The following RPS6KC1 variants were observed in gnomAD, a reference collection of about 807,000 sequenced individuals.
RPS6KC1 encodes ribosomal protein S6 kinase C1.
RPS6KC1 carries 54 observed loss-of-function variants against 103.8 expected under a neutral mutation model. The ratio of observed to expected loss-of-function variants is 0.52; its 90% CI spans 0.42 to 0.65. The LOEUF (loss-of-function observed/expected upper bound fraction) is 0.65. RPS6KC1 is among the 30% of genes least tolerant of loss of function. The pLI is 0.00. For missense variants in RPS6KC1, 1,151 were observed against 1,253.8 expected (o/e 0.92, Z 1.24); for synonymous variants, 439 against 438.7 (o/e 1.00, Z -0.01).
the RPS6KC1 span, among the ~76,000 whole-genome samples, chr1:213,441,321 G>GT: frequency 2.0e-5 from 3 of 152,110 alleles, no homozygotes; most frequent in Non-Finnish European, 4.4e-5. Context: ...TAAATTTTGA[G>GT]TTTTTTATGT....
chr1:213,414,222 A>T, the RPS6KC1 span, among the ~76,000 whole-genome samples: 1 of 151,992 alleles, frequency 6.6e-6, no homozygotes, highest in Non-Finnish European at 1.5e-5. Flanking sequence ...TCTTGTTATG[A>T]TGGCACCAAG....
the RPS6KC1 span, among the ~76,000 whole-genome samples, chr1:213,493,616 T>C: frequency 6.6e-6 from 1 of 152,212 alleles, no homozygotes; most frequent in African/African-American, 2.4e-5. Flanking sequence ...CTTAACTGTA[T>C]ATAAGTGCCA....
At chr1:213,458,756 T>A in the RPS6KC1 span, among the ~76,000 whole-genome samples, 2 of 152,202 alleles carry the variant, frequency 1.3e-5, no homozygotes, top group South Asian at 4.1e-4. Context: ...TTGTCATAAA[T>A]AGCTCTTATT....
chr1:213,188,595 A>G (rs943407451), intron 8 of RPS6KC1, among the ~76,000 whole-genome samples: 1 of 152,178 alleles, frequency 6.6e-6, no homozygotes, highest in African/African-American at 2.4e-5. Context: ...TGTATGAACA[A>G]TGCACACATA....
chr1:213,577,614 C>T, the RPS6KC1 span, among the ~76,000 whole-genome samples: 269 of 152,254 alleles, frequency 1.8e-3, 2 homozygotes, highest in African/African-American at 6.4e-3. Flanking sequence ...AGATGAGGAA[C>T]TTATTGGGAA....
chr1:213,275,461 CA>C (rs1214094152), downstream of RPS6KC1, among the ~76,000 whole-genome samples: 1 of 152,104 alleles, frequency 6.6e-6, no homozygotes, highest in Non-Finnish European at 1.5e-5. Context: ...GTTTCTATGT[CA>C]AAGATGGATA....
chr1:213,430,209 C>T, the RPS6KC1 span, among the ~76,000 whole-genome samples: 1 of 152,172 alleles, frequency 6.6e-6, no homozygotes, highest in Non-Finnish European at 1.5e-5. Context: ...GTTCTGGATA[C>T]CTCTCGAGTC....
the RPS6KC1 span, among the ~76,000 whole-genome samples, chr1:213,662,129 A>T: frequency 0.016 from 2,385 of 152,220 alleles, 38 homozygotes; most frequent in Middle Eastern, 0.044. Flanking sequence ...TCCCCTCGAG[A>T]CACACTTTAA....
chr1:213,122,795 T>G (rs2084542914), intron 5 of RPS6KC1, among the ~76,000 whole-genome samples: 1 of 152,164 alleles, frequency 6.6e-6, no homozygotes, highest in South Asian at 2.1e-4. Flanking sequence ...CCCAACTTAT[T>G]TTTATTCCCT....
chr1:213,720,913 G>A, the RPS6KC1 span, among the ~76,000 whole-genome samples: 1 of 152,122 alleles, frequency 6.6e-6, no homozygotes, highest in African/African-American at 2.4e-5. Flanking sequence ...CAGCTCCAAA[G>A]TATACATGTA....
the RPS6KC1 span, among the ~76,000 whole-genome samples, chr1:213,282,824 G>C: frequency 2.0e-5 from 3 of 152,184 alleles, no homozygotes; most frequent in African/African-American, 7.2e-5. Context: ...AAGAACACAG[G>C]GTTTCTGCCT....
At chr1:213,085,490 A>G (rs1307947320) in intron 3 of RPS6KC1, among the ~76,000 whole-genome samples, 1 of 152,218 alleles carries the variant, frequency 6.6e-6, no homozygotes, top group Non-Finnish European at 1.5e-5. Flanking sequence ...GAAGCTAATA[A>G]GTAACCTTTG....
At chr1:213,795,794 CT>C in the RPS6KC1 span, among the ~76,000 whole-genome samples, 1,844 of 152,186 alleles carry the variant, frequency 0.012, 23 homozygotes, top group Middle Eastern at 0.02. Flanking sequence ...TACTCTTGTG[CT>C]TATGCCCCAA....
chr1:213,399,935 G>T, the RPS6KC1 span, among the ~76,000 whole-genome samples: 2 of 152,044 alleles, frequency 1.3e-5, no homozygotes, highest in African/African-American at 2.4e-5. Flanking sequence ...AGGAATGCAG[G>T]GTATTTTTAG....
the RPS6KC1 span, among the ~76,000 whole-genome samples, chr1:213,354,484 A>G: frequency 6.6e-6 from 1 of 152,246 alleles, no homozygotes; most frequent in Admixed American, 6.5e-5. Flanking sequence ...TTCAGGCTGA[A>G]GTGAACACTA....
At chr1:213,574,729 G>A in the RPS6KC1 span, among the ~76,000 whole-genome samples, 2,022 of 152,296 alleles carry the variant, frequency 0.013, 42 homozygotes, top group African/African-American at 0.043. Flanking sequence ...TTGTAGGGAT[G>A]TGGTAACATG....
At chr1:213,227,306 T>G (rs940627916) in intron 8 of RPS6KC1, among the ~76,000 whole-genome samples, 8 of 152,216 alleles carry the variant, frequency 5.3e-5, no homozygotes, top group Non-Finnish European at 1.2e-4. Flanking sequence ...TACAAACTTT[T>G]AGAGTTGAAT....
intron 2 of RPS6KC1, among the ~76,000 whole-genome samples, chr1:213,074,175 A>G (rs945782193): frequency 6.6e-6 from 1 of 152,218 alleles, no homozygotes; most frequent in Non-Finnish European, 1.5e-5. Flanking sequence ...ACAGGAATCT[A>G]AAAAGTTTTT....
At chr1:213,186,106 G>A (rs1395948565) in intron 8 of RPS6KC1, among the ~76,000 whole-genome samples, 1 of 151,184 alleles carries the variant, frequency 6.6e-6, no homozygotes, top group Non-Finnish European at 1.5e-5. Context: ...CAGGTAATTT[G>A]ATAAAATCAG....
Sources: allele counts gnomAD v4.1 joint callset (sites outside exome capture counted in the v4.1 genomes callset), GRCh38; gene constraint gnomAD v4.1.1; transcripts MANE v1.5; gene names NCBI Gene and HGNC (gene_info 2026-07-23, HGNC 2026-07-21).